Variants in CADM2 observed in about 807,000 individuals in gnomAD.
The protein encoded by CADM2 is immunoglobulin superfamily member 4D.
In CADM2, 12 loss-of-function variants were observed where a neutral mutation model predicts 49.8. The ratio of observed to expected loss-of-function variants is 0.24; its 90% CI spans 0.15 to 0.39. CADM2 has a LOEUF of 0.39. CADM2 is among the 10% of genes least tolerant of loss of function. The probability of loss-of-function intolerance (pLI) is 1.00; values close to 1 mark genes in which losing one functional copy is unlikely to be tolerated. For synonymous variants in CADM2, 214 were observed against 175.4 expected (o/e 1.22, Z -1.74); for missense variants, 378 against 492.3 (o/e 0.77, Z 2.20).
chr3:85,607,678 A>G (rs913541773), intron 1 of CADM2, among the ~76,000 whole-genome samples: 1 of 151,148 alleles, frequency 6.6e-6, no homozygotes, highest in East Asian at 1.9e-4. Context: ...TTTCTCTGAG[A>G]TGGAATCTTG....
chr3:85,961,908 G>T (rs113791245), intron 8 of CADM2, among the ~76,000 whole-genome samples: 2 of 151,424 alleles, frequency 1.3e-5, no homozygotes, highest in Admixed American at 6.6e-5. Flanking sequence ...ATGTTGGCTC[G>T]TAAACTATAT....
chr3:86,066,576 C>A (rs1056569560), intron 9 of CADM2, 89 bp from the exon 10 acceptor site: 2 of 1,017,788 alleles, frequency 2.0e-6, no homozygotes, highest in African/African-American at 1.6e-5. Flanking sequence ...AAAAATCTGG[C>A]AAAAGTTTCT....
intron 1 of CADM2, among the ~76,000 whole-genome samples, chr3:85,568,451 C>CTTTT: frequency 5.0e-5 from 1 of 20,112 alleles, no homozygotes; most frequent in African/African-American, 1.1e-4. Context: ...TTCTTTCTTT[C>CTTTT]TTTCTTTCTT....
At chr3:85,861,300 A>T (rs1182800022) in intron 3 of CADM2, among the ~76,000 whole-genome samples, 1 of 152,136 alleles carries the variant, frequency 6.6e-6, no homozygotes, top group Non-Finnish European at 1.5e-5. Flanking sequence ...GGAATTTGTA[A>T]TTTGTAATTC....
At chr3:85,652,328 A>G (rs2065066911) in intron 1 of CADM2, among the ~76,000 whole-genome samples, 1 of 152,156 alleles carries the variant, frequency 6.6e-6, no homozygotes, top group Admixed American at 6.5e-5. Flanking sequence ...CATCATAACA[A>G]ATTACCCCAA....
rs200003655 is a variant in CADM2, at chr3:85,772,919, C to CT, written c.89-29120dup. ...TTTCTTTTCCTCATCCATTTTCATT[C>CT]TTTTTTTTGATTCTAGCTAAAAATG... On this transcript the variant is annotated intron_variant, in intron 2 of 9. Transcript: ENST00000383699. 6.6e-4 allele frequency among the ~76,000 whole-genome samples: 83 copies of CT among 125,840 alleles called. No homozygotes were observed. The East Asian group carries it at 7.7e-3, about 12-fold the overall frequency. 82.6% of individuals were successfully genotyped at this position (125,840 alleles called of 152,430 possible).
chr3:85,407,980 C>G (rs1447928471), intron 1 of CADM2, among the ~76,000 whole-genome samples: 1 of 134,916 alleles, frequency 7.4e-6, no homozygotes, highest in Non-Finnish European at 1.5e-5. Flanking sequence ...AGGGCAAGAC[C>G]CTGCCTCTTT....
chr3:85,758,360 T>C (rs1235922853), intron 2 of CADM2, among the ~76,000 whole-genome samples: 1 of 152,132 alleles, frequency 6.6e-6, no homozygotes, highest in East Asian at 1.9e-4. Flanking sequence ...TATTAGTTGA[T>C]GGTAATTATA....
intron 1 of CADM2, among the ~76,000 whole-genome samples, chr3:85,421,792 C>G (rs2036183693): frequency 6.6e-6 from 1 of 152,144 alleles, no homozygotes; most frequent in African/African-American, 2.4e-5. Flanking sequence ...GCTTACAAAG[C>G]AAGAAAGAAA....
intron 1 of CADM2, among the ~76,000 whole-genome samples, chr3:85,353,482 T>C (rs1232148407): frequency 6.6e-6 from 1 of 152,062 alleles, no homozygotes; most frequent in Non-Finnish European, 1.5e-5. Flanking sequence ...TGAATTAATT[T>C]TATATGATTG....
chr3:85,766,552 A>G (rs570252651), intron 2 of CADM2, among the ~76,000 whole-genome samples: 3 of 152,348 alleles, frequency 2.0e-5, no homozygotes, highest in Non-Finnish European at 2.9e-5. Flanking sequence ...CATGCCTTGC[A>G]CATTTGGAGC....
At chr3:85,819,791 G>A (rs901084289) in intron 3 of CADM2, among the ~76,000 whole-genome samples, 3 of 152,038 alleles carry the variant, frequency 2.0e-5, no homozygotes, top group Non-Finnish European at 2.9e-5. Flanking sequence ...TTTTCTAGGC[G>A]CTTGAGATTT....
intron 1 of CADM2, among the ~76,000 whole-genome samples, chr3:85,154,486 G>A (rs1229979983): frequency 1.3e-5 from 2 of 152,118 alleles, no homozygotes; most frequent in African/African-American, 4.8e-5. Flanking sequence ...AAGTGACGGG[G>A]AGAATGGAAC....
intron 1 of CADM2, among the ~76,000 whole-genome samples, chr3:85,578,609 A>T (rs72909292): frequency 0.043 from 6,525 of 152,306 alleles, 470 homozygotes; most frequent in African/African-American, 0.15. Context: ...GCTATTCTTC[A>T]TGAAACAGCA....
chr3:85,881,889 A>C (rs967210514), intron 3 of CADM2, among the ~76,000 whole-genome samples: 1 of 152,128 alleles, frequency 6.6e-6, no homozygotes, highest in African/African-American at 2.4e-5. Flanking sequence ...GATTCTCATA[A>C]GGGGCACGCA....
chr3:84,970,984 T>C (rs2031391127), intron 1 of CADM2, among the ~76,000 whole-genome samples: 1 of 152,126 alleles, frequency 6.6e-6, no homozygotes, highest in Admixed American at 6.5e-5. Flanking sequence ...ATTGAGGATA[T>C]TCCTGTAACC....
chr3:85,579,154 G>A (rs553348645), intron 1 of CADM2, among the ~76,000 whole-genome samples: 1 of 152,228 alleles, frequency 6.6e-6, no homozygotes, highest in South Asian at 2.1e-4. Flanking sequence ...ATTTGTATAA[G>A]TAGATTTGAG....
chr3:85,293,101 G>A (rs1253173361), intron 1 of CADM2, among the ~76,000 whole-genome samples: 4 of 151,980 alleles, frequency 2.6e-5, no homozygotes, highest in Non-Finnish European at 5.9e-5. Flanking sequence ...AATGATAAAG[G>A]GGATATCATC....
intron 1 of CADM2, among the ~76,000 whole-genome samples, chr3:85,493,910 G>T (rs1000186206): frequency 3.3e-5 from 5 of 152,040 alleles, no homozygotes; most frequent in African/African-American, 7.2e-5. Flanking sequence ...TATGGAAACT[G>T]CCATTTAAAT....
Sources: allele counts gnomAD v4.1 joint callset (sites outside exome capture counted in the v4.1 genomes callset), GRCh38; gene constraint gnomAD v4.1.1; transcripts MANE v1.5; gene names NCBI Gene and HGNC (gene_info 2026-07-23, HGNC 2026-07-21).